Variants in NAA25 observed in about 807,000 individuals in gnomAD.
NAA25 encodes the protein N-terminal acetyltransferase B complex subunit NAA25.
NAA25 carries 30 observed loss-of-function variants against 132.5 expected under a neutral mutation model. That is an observed-to-expected ratio of 0.23 (90% CI 0.17 to 0.31). The LOEUF is 0.31. NAA25 is among the 10% of genes least tolerant of loss of function. The probability of loss-of-function intolerance (pLI) is 1.00; values close to 1 mark genes in which losing one functional copy is unlikely to be tolerated. For missense variants in NAA25, 771 were observed against 1,150.4 expected, an observed-to-expected ratio of 0.67 and a Z score of 4.77; for synonymous variants, 359 against 401.9, an observed-to-expected ratio of 0.89 and a Z score of 1.28.
intron 10 of NAA25, among the ~76,000 whole-genome samples, chr12:112,071,089 G>A (rs1328960792): frequency 2.0e-5 from 3 of 151,726 alleles, no homozygotes; most frequent in Non-Finnish European, 4.4e-5. Flanking sequence ...CGGCCATGTT[G>A]GCCAGGCTGG....
rs1357296032 is a variant in NAA25, at chr12:112,078,728, T to C, written c.491A>G (p.Gln164Arg). Residue 164 changes from glutamine to arginine, a missense_variant, in exon 6 of 24, where the codon CAG (glutamine) becomes CGG (arginine). Physicochemically the swap from Gln to Arg is conservative, Grantham distance 43. Transcript: ENST00000261745. The part of the protein sequence containing the change: ...MSLIMQSISA[Q>R]DENLSKTMFL... ...CATTGTTTTTGAGAGGTTTTCATCCTGTGCCGATATAGACTGAAAGAAGAA... is the reference window on the plus strand; with the variant it reads ...CATTGTTTTTGAGAGGTTTTCATCCCGTGCCGATATAGACTGAAAGAAGAA... The C allele has an allele frequency of 1.2e-6, 2 of 1,613,158 alleles. No homozygotes were observed. Among genetic ancestry groups the C allele is most frequent in the Admixed American group, 1.7e-5 (1 of 59,934 alleles).
chr12:112,084,389 A>T (rs908068603), intron 4 of NAA25, among the ~76,000 whole-genome samples: 4 of 152,274 alleles, frequency 2.6e-5, no homozygotes, highest in Non-Finnish European at 5.9e-5. Flanking sequence ...ATGACATTAA[A>T]TGTGTGAAAT....
At position 112,078,372 on chromosome 12, in the gene NAA25, T is replaced by C. The variant is rs1036188154; in HGVS notation, c.586-106A>G. 5 of 844,566 alleles carry C rather than the reference T, an allele frequency of 5.9e-6. No homozygotes were observed. The Admixed American group carries it at 1.2e-4, about 21-fold the overall frequency. The allele number at this position is 844,566 out of a possible 1,614,324, so 52.3% of individuals were successfully genotyped here. The stretch of plus-strand genomic sequence containing the variant: ...TTATTTAATAGAGCATGTCTTCAAA[T>C]GAGATGAAACTGACAGTACGAAGCA... On this transcript the variant is annotated intron_variant, in intron 6 of 23. Transcript: ENST00000261745.
At chr12:112,068,525 G>A (rs368152814) in intron 11 of NAA25, among the ~76,000 whole-genome samples, 1 of 152,168 alleles carries the variant, frequency 6.6e-6, no homozygotes, top group South Asian at 2.1e-4. Flanking sequence ...TGGGCAAGAT[G>A]TTGCCATTGG....
chr12:112,058,079 G>C (rs1029510812), intron 13 of NAA25, among the ~76,000 whole-genome samples: 2 of 151,934 alleles, frequency 1.3e-5, no homozygotes, highest in Non-Finnish European at 2.9e-5. Context: ...CCTGGAAGGA[G>C]GATGTTGCAG....
At position 112,053,558 on chromosome 12, in the gene NAA25, A is replaced by G. The variant is rs757284030; in HGVS notation, c.1728T>C (p.Asp576=). 6.3e-7 allele frequency: 1 copy of G among 1,599,484 alleles called. No homozygotes were observed. The highest frequency in any genetic ancestry group is 8.5e-7 in the Non-Finnish European group (1 of 1,169,924). The part of the protein sequence containing the change: ...ALRFFHSNQK[D]TSEYIIQAYK... ...AGTTAAAAAATAGTTTTTCACTTAC[A>G]TCTTTCTGGTTGGAGTGAAAAAACC... The change falls in exon 15 of 24, where the codon GAT becomes GAC. Residue 576 remains aspartate (D), a splice_region_variant and synonymous_variant. Coordinates refer to ENST00000261745, the MANE Select transcript of NAA25 (RefSeq NM_024953.4).
chr12:112,102,070 C>T (rs1009489212), intron 1 of NAA25, among the ~76,000 whole-genome samples: 20 of 151,672 alleles, frequency 1.3e-4, no homozygotes, highest in Admixed American at 7.2e-4. Context: ...GTTTTCACCA[C>T]GTTGGCCAGG....
intron 1 of NAA25, among the ~76,000 whole-genome samples, chr12:112,106,955 CAAAAAAA>C (rs11286456): frequency 1.5e-4 from 4 of 25,828 alleles, no homozygotes; most frequent in African/African-American, 3.8e-4. Context: ...AGACTGTCTC[CAAAAAAA>C]AAAAAAAAAA....
intron 2 of NAA25, among the ~76,000 whole-genome samples, chr12:112,092,311 T>C (rs576714348): frequency 6.7e-6 from 1 of 150,364 alleles, no homozygotes; most frequent in Admixed American, 6.6e-5. Context: ...ATAACTGACC[T>C]ATAAAGTACC....
intron 9 of NAA25, among the ~76,000 whole-genome samples, chr12:112,072,676 C>T (rs2078831772): frequency 6.6e-6 from 1 of 151,538 alleles, no homozygotes; most frequent in Non-Finnish European, 1.5e-5. Context: ...TGGTGGCTCA[C>T]ACCTAAAATC....
chr12:112,080,792 C>A (rs2078963207), intron 5 of NAA25, among the ~76,000 whole-genome samples: 1 of 152,174 alleles, frequency 6.6e-6, no homozygotes, highest in African/African-American at 2.4e-5. Flanking sequence ...AGCCACCACA[C>A]CTGACCAAAA....
intron 3 of NAA25, among the ~76,000 whole-genome samples, chr12:112,088,900 G>A (rs899562519): frequency 1.3e-5 from 2 of 152,092 alleles, no homozygotes; most frequent in African/African-American, 4.8e-5. Context: ...GATTACAGGC[G>A]TGAGCCACTG....
intron 4 of NAA25, among the ~76,000 whole-genome samples, chr12:112,085,989 C>A (rs1427149510): frequency 1.7e-5 from 2 of 114,934 alleles, no homozygotes; most frequent in Admixed American, 2.2e-4. Context: ...TGGATTCCAC[C>A]CTGGGTGACA....
At chr12:112,080,216 G>A (rs1162041592) in intron 5 of NAA25, among the ~76,000 whole-genome samples, 1 of 149,190 alleles carries the variant, frequency 6.7e-6, no homozygotes, top group Non-Finnish European at 1.5e-5. Context: ...GGGAGGTGGG[G>A]CTTGCAGTGA....
At chr12:112,047,226 AT>A in intron 17 of NAA25, among the ~76,000 whole-genome samples, 1 of 136,932 alleles carries the variant, frequency 7.3e-6, no homozygotes, top group South Asian at 2.3e-4. Flanking sequence ...ATTCATCCTA[AT>A]TCTTTTTTTT....
chr12:112,081,193 T>A (rs2078969375), intron 4 of NAA25, 59 bp from the exon 5 acceptor site: 1 of 1,407,550 alleles, frequency 7.1e-7, no homozygotes, highest in Non-Finnish European at 1.0e-6. Flanking sequence ...GGATTAATGA[T>A]CTAGATACAC....
chr12:112,098,500 A>G (rs1016957082), intron 1 of NAA25, among the ~76,000 whole-genome samples: 2 of 152,186 alleles, frequency 1.3e-5, no homozygotes, highest in Non-Finnish European at 2.9e-5. Context: ...AAGCCAATAA[A>G]AACGATATCC....
chr12:112,038,871 C>G (rs184840586), intron 22 of NAA25, among the ~76,000 whole-genome samples: 1 of 152,124 alleles, frequency 6.6e-6, no homozygotes, highest in Admixed American at 6.5e-5. Flanking sequence ...CCCAGCTACT[C>G]GGGAAGCTGA....
intron 17 of NAA25, among the ~76,000 whole-genome samples, chr12:112,045,057 T>C (rs1197594804): frequency 1.3e-5 from 2 of 151,564 alleles, no homozygotes; most frequent in African/African-American, 2.4e-5. Context: ...ATAAAAATAA[T>C]ACACAACATA....
Sources: allele counts gnomAD v4.1 joint callset (sites outside exome capture counted in the v4.1 genomes callset), GRCh38; gene constraint gnomAD v4.1.1; transcripts MANE v1.5; gene names NCBI Gene and HGNC (gene_info 2026-07-23, HGNC 2026-07-21).